Variants in SIRPB1 observed in about 807,000 individuals in gnomAD.
The protein encoded by SIRPB1 is signal regulatory protein beta 1.
A neutral mutation model predicts 34.1 loss-of-function variants in SIRPB1; 28 were observed. The ratio of observed to expected loss-of-function variants is 0.82; its 90% CI spans 0.61 to 1.12. The LOEUF is 1.12. SIRPB1 is among the 50% of genes most tolerant of loss of function. SIRPB1 has a pLI of 0.00. For missense variants in SIRPB1, 499 were observed against 507.0 expected (o/e 0.98, Z 0.15); for synonymous variants, 211 against 203.8 (o/e 1.04, Z -0.30).
At chr20:1,570,235 T>A (rs373738755) in intron 4 of SIRPB1, among the ~76,000 whole-genome samples, 15 of 152,352 alleles carry the variant, frequency 9.8e-5, no homozygotes, top group African/African-American at 3.4e-4. Context: ...AGAGTGGTTG[T>A]GATTATTGTT....
At chr20:1,570,561 C>A in intron 4 of SIRPB1, 1 of 403,520 alleles carries the variant, frequency 2.5e-6, no homozygotes, top group Non-Finnish European at 4.4e-6. Context: ...AAATATCTAT[C>A]AAGTTGTGCA....
At position 1,605,145 on chromosome 20, in the gene SIRPB1, A is replaced by G; in HGVS notation, c.76+14724T>C. ...TGTGTGAGATGTTAAGAACCTTCTG[A>G]GACATTATTTTTTATCCTTCCAATA... On this transcript the variant is annotated intron_variant, in intron 1 of 5. Transcript: ENST00000381605. The G allele has an allele frequency of 3.7e-6, 2 of 546,988 alleles. 1 individual carries two copies. Among genetic ancestry groups the G allele is most frequent in the South Asian group, 7.4e-5 (2 of 26,968 alleles). 33.9% of individuals were successfully genotyped at this position (546,988 alleles called of 1,614,324 possible). A position where few individuals can be genotyped will look rare whatever the true frequency, so the allele number is the denominator to read the frequency against.
chr20:1,603,998 G>A, intron 1 of SIRPB1: 1 of 610,108 alleles, frequency 1.6e-6, no homozygotes, highest in Non-Finnish European at 2.2e-6. Context: ...TGTAAGGGTT[G>A]AGGCCGTTTC....
Position 1,564,338 on chromosome 20 carries a change from A to AT in SIRPB1, c.*1161dup, listed in dbSNP as rs2091101163. The AT allele has an allele frequency of 6.6e-6, 1 of 152,230 alleles. No homozygotes were observed. The highest frequency in any genetic ancestry group is 2.4e-5 in the African/African-American group (1 of 41,454). The allele number at this position is 152,230 out of a possible 1,614,324, so 9.4% of individuals were successfully genotyped here. ...AGAAAAATTAATTAGGATAAGAGAA[A>AT]TTAGAATGCCGGGATAGAGAAAATA... On this transcript the variant is annotated 3_prime_UTR_variant, in exon 6 of 6. Coordinates refer to ENST00000381605, the MANE Select transcript of SIRPB1 (RefSeq NM_006065.5).
At chr20:1,566,443 C>T (rs1306785174) in intron 4 of SIRPB1, among the ~76,000 whole-genome samples, 176 bp from the exon 5 acceptor site, 1 of 152,216 alleles carries the variant, frequency 6.6e-6, no homozygotes, top group East Asian at 1.9e-4. Flanking sequence ...GGGAAAGTGG[C>T]TCCTCATTCT....
In SIRPB1 at chr20:1,565,107, A is replaced by G; in HGVS notation, c.*393T>C. The G allele has an allele frequency of 2.5e-6, 1 of 398,596 alleles. No homozygotes were observed. Among genetic ancestry groups the G allele is most frequent in the Non-Finnish European group, 4.4e-6 (1 of 226,116 alleles). 24.7% of individuals were successfully genotyped at this position (398,596 alleles called of 1,614,324 possible). Reference sequence around the variant, plus strand: ...ATGTGTATTCAGGAGGCAGTAGAGAACCTCAACAAGGCTGGGGGAGTTGGG... The same window carrying G: ...ATGTGTATTCAGGAGGCAGTAGAGAGCCTCAACAAGGCTGGGGGAGTTGGG... On this transcript the variant is annotated 3_prime_UTR_variant, in exon 6 of 6. Coordinates refer to ENST00000381605, the MANE Select transcript of SIRPB1 (RefSeq NM_006065.5).
chr20:1,577,545 C>T (rs1455936166), intron 2 of SIRPB1, among the ~76,000 whole-genome samples: 2 of 147,588 alleles, frequency 1.4e-5, no homozygotes, highest in African/African-American at 4.9e-5. Context: ...AAGTCACCCA[C>T]TTGTGGGACC....
At chr20:1,578,819 T>C (rs2091360298) in intron 1 of SIRPB1, 125 bp from the exon 2 acceptor site, 2 of 777,680 alleles carry the variant, frequency 2.6e-6, no homozygotes, top group South Asian at 3.2e-5. Flanking sequence ...CTCAGCCCAC[T>C]ACATGTATTA....
chr20:1,570,905 G>A lies in SIRPB1; in HGVS notation c.984C>T (p.Leu328=), dbSNP rs759777339. 6.2e-7 allele frequency: 1 copy of A among 1,614,158 alleles called. No homozygotes were observed. The highest frequency in any genetic ancestry group is 8.5e-7 in the Non-Finnish European group (1 of 1,180,010). ...NTCAHRDDVV[L]TCQVEHDGQQ... The stretch of plus-strand genomic sequence containing the variant: ...GCCCATCATGCTCCACCTGACAGGT[G>A]AGCACCACATCGTCCCTGTGGGCAC... The change falls in exon 4 of 6, where the codon CTC becomes CTT. Residue 328 remains leucine, a synonymous_variant. Transcript: ENST00000381605.
intron 1 of SIRPB1, among the ~76,000 whole-genome samples, chr20:1,613,786 A>G (rs1224650980): frequency 1.3e-5 from 2 of 152,172 alleles, no homozygotes; most frequent in Non-Finnish European, 2.9e-5. Context: ...TTCCAGGGGG[A>G]AAAAAGAGAA....
In SIRPB1 at chr20:1,565,243, G is replaced by T. The variant is rs915738385; in HGVS notation, c.*257C>A. ...GAGAAGTCCTGGTGTGTTTAGATTT[G>T]GAGTGTTTCTCACCTTCTAGGGAGG... On this transcript the variant is annotated 3_prime_UTR_variant, in exon 6 of 6. Transcript: ENST00000381605. 2.6e-6 allele frequency: 1 copy of T among 389,332 alleles called. No homozygotes were observed. Among genetic ancestry groups the T allele is most frequent in the Non-Finnish European group, 4.5e-6 (1 of 220,732 alleles). The allele number at this position is 389,332 out of a possible 1,614,324, so 24.1% of individuals were successfully genotyped here.
intron 2 of SIRPB1, among the ~76,000 whole-genome samples, chr20:1,576,303 T>C (rs1161237596): frequency 6.8e-6 from 1 of 148,086 alleles, no homozygotes; most frequent in African/African-American, 2.5e-5. Flanking sequence ...CTGAGCAATG[T>C]ACATTTTCAT....
Position 1,601,124 on chromosome 20 carries a change from G to T in SIRPB1, c.76+18745C>A, listed in dbSNP as rs2091474620. On this transcript the variant is annotated intron_variant, in intron 1 of 5. Transcript: ENST00000381605. Reference sequence around the variant, plus strand: ...GGTGTAAAAACCAGAGGACTTCTTGGCAGCAGTGTAGATTGTTATCTCCTG... The same window carrying T: ...GGTGTAAAAACCAGAGGACTTCTTGTCAGCAGTGTAGATTGTTATCTCCTG... Among the ~76,000 whole-genome samples, 2 of 49,044 alleles carry T rather than the reference G, an allele frequency of 4.1e-5. 1 individual carries two copies. The highest frequency in any genetic ancestry group is 7.9e-5 in the Non-Finnish European group (2 of 25,418). The allele number at this position is 49,044 out of a possible 152,430, so 32.2% of individuals were successfully genotyped here. A position where few individuals can be genotyped will look rare whatever the true frequency, so the allele number is the denominator to read the frequency against.
In SIRPB1 at chr20:1,563,731, A is replaced by C. The variant is rs567457493; in HGVS notation, c.*1769T>G. The C allele has an allele frequency of 3.3e-5, 5 of 151,788 alleles. 1 individual carries two copies. In the South Asian group the frequency reaches 1.0e-3, roughly 32 times the overall value. 9.4% of individuals were successfully genotyped at this position (151,788 alleles called of 1,614,324 possible). A position where few individuals can be genotyped will look rare whatever the true frequency, so the allele number is the denominator to read the frequency against. ...GGCACCTTCTTCACATGGTGGCAGG[A>C]GGGAGAGAGAGAGAGAGAGCGAAGG... On this transcript the variant is annotated 3_prime_UTR_variant, in exon 6 of 6. Coordinates refer to ENST00000381605, the MANE Select transcript of SIRPB1 (RefSeq NM_006065.5).
rs1428433132 is a variant in SIRPB1 at position 1,610,925 on chromosome 20, G to C, written c.76+8944C>G. On this transcript the variant is annotated intron_variant, in intron 1 of 5. Coordinates refer to ENST00000381605, the MANE Select transcript of SIRPB1 (RefSeq NM_006065.5). ...CACTGCTGTTTGCACAGCATCTAGG[G>C]CAGAGCCTGGCACACAGTGGGGTCT... is the stretch of plus-strand genomic sequence containing the variant. 1.2e-4 allele frequency among the ~76,000 whole-genome samples: 9 copies of C among 72,940 alleles called. 4 individuals carry two copies. Among genetic ancestry groups the C allele is most frequent in the Admixed American group, 2.2e-4 (2 of 9,086 alleles). 47.9% of individuals were successfully genotyped at this position (72,940 alleles called of 152,430 possible).
Position 1,619,956 on chromosome 20 carries a change from T to C in SIRPB1, c.-12A>G, listed in dbSNP as rs769142411. On this transcript the variant is annotated 5_prime_UTR_variant, in exon 1 of 6. Coordinates refer to ENST00000381605, the MANE Select transcript of SIRPB1 (RefSeq NM_006065.5). ...GCTGGCACGGGCATTCTGGAGACCT[T>C]AGGAGCCTGCTCTGTCCAAACGTCT... 10 of 1,612,180 alleles carry C rather than the reference T, an allele frequency of 6.2e-6. No individual in the cohort carries two copies. The highest frequency in any genetic ancestry group is 8.5e-6 in the Non-Finnish European group (10 of 1,178,960).
At chr20:1,615,587 A>T (rs1253947403) in intron 1 of SIRPB1, among the ~76,000 whole-genome samples, 1 of 152,260 alleles carries the variant, frequency 6.6e-6, no homozygotes, top group Non-Finnish European at 1.5e-5. Flanking sequence ...TCAACCAAAC[A>T]CTAGCTGAGT....
At position 1,594,569 on chromosome 20, in the gene SIRPB1, T is replaced by C. The variant is rs1600139971; in HGVS notation, c.77-15875A>G. ...TAGATGCAGATGACGAGGGAAGACTTTGGGACACATGAGGAACTGGGAGCC... is the reference window on the plus strand; with the variant it reads ...TAGATGCAGATGACGAGGGAAGACTCTGGGACACATGAGGAACTGGGAGCC... On this transcript the variant is annotated intron_variant, in intron 1 of 5. Transcript: ENST00000381605. 4.2e-5 allele frequency among the ~76,000 whole-genome samples: 2 copies of C among 48,170 alleles called. 1 individual carries two copies. The highest frequency in any genetic ancestry group is 2.8e-4 in the African/African-American group (2 of 7,210). The allele number at this position is 48,170 out of a possible 152,430, so 31.6% of individuals were successfully genotyped here. A position where few individuals can be genotyped will look rare whatever the true frequency, so the allele number is the denominator to read the frequency against.
At chr20:1,572,746 G>A (rs1803522077) in intron 2 of SIRPB1, among the ~76,000 whole-genome samples, 1 of 151,292 alleles carries the variant, frequency 6.6e-6, no homozygotes, top group Admixed American at 6.6e-5. Context: ...ATTTCGTTCT[G>A]TCAAATAAAA....
Sources: gnomAD v4.1 joint callset for allele counts (sites outside exome capture counted in the v4.1 genomes callset) on GRCh38, gnomAD v4.1.1 for gene constraint, MANE v1.5 for transcripts, NCBI Gene and HGNC (gene_info 2026-07-23, HGNC 2026-07-21) for gene names.